Variants in GRID2 observed in about 807,000 individuals in gnomAD.
The protein encoded by GRID2 is glutamate receptor ionotropic, delta-2.
Under a neutral mutation model 114.8 loss-of-function variants are expected in GRID2, and 33 were observed. The observed-to-expected ratio is 0.29, with a 90% CI of 0.22 to 0.38. The LOEUF (loss-of-function observed/expected upper bound fraction) is 0.38, where lower values mean the gene tolerates loss of function less well. GRID2 is among the 10% of genes least tolerant of loss of function. The pLI is 1.00. For missense variants in GRID2, 1,184 were observed against 1,257.7 expected (o/e 0.94, Z 0.89); for synonymous variants, 505 against 449.9 (o/e 1.12, Z -1.55).
chr4:92,561,819 G>A (rs1433811393), intron 1 of GRID2, among the ~76,000 whole-genome samples: 3 of 152,112 alleles, frequency 2.0e-5, no homozygotes, highest in African/African-American at 7.2e-5. Context: ...CTAATTTCAT[G>A]AGTATATTCA....
intron 2 of GRID2, among the ~76,000 whole-genome samples, chr4:92,776,002 C>A (rs1030757): frequency 0.54 from 82,250 of 151,842 alleles, 23,020 homozygotes; most frequent in Middle Eastern, 0.74. Flanking sequence ...AAAAAATTGA[C>A]CTCTGACACA....
At chr4:93,671,534 C>T (rs554534621) in intron 14 of GRID2, among the ~76,000 whole-genome samples, 103 of 152,284 alleles carry the variant, frequency 6.8e-4, no homozygotes, top group African/African-American at 2.4e-3. Flanking sequence ...CATTTAGCCC[C>T]TCTACAACTC....
chr4:92,599,968 C>T (rs1427023823), intron 2 of GRID2, among the ~76,000 whole-genome samples: 5 of 145,672 alleles, frequency 3.4e-5, no homozygotes, highest in Non-Finnish European at 4.5e-5. Context: ...GACATTGCAA[C>T]GAGGCGAGAT....
At chr4:93,571,606 G>A (rs1048102754) in intron 13 of GRID2, among the ~76,000 whole-genome samples, 1 of 152,058 alleles carries the variant, frequency 6.6e-6, no homozygotes, top group African/African-American at 2.4e-5. Context: ...TAGTCATTTA[G>A]ACTAATAAAG....
chr4:93,110,085 A>G (rs1378584929), intron 3 of GRID2, among the ~76,000 whole-genome samples: 2 of 152,154 alleles, frequency 1.3e-5, no homozygotes, highest in Admixed American at 6.6e-5. Context: ...ATATGTTTTG[A>G]AAAAATATGT....
intron 2 of GRID2, among the ~76,000 whole-genome samples, chr4:92,995,812 A>G (rs1384579885): frequency 6.6e-6 from 1 of 152,174 alleles, no homozygotes; most frequent in Non-Finnish European, 1.5e-5. Context: ...ATGCTACAAT[A>G]TGTTAAAGTA....
intron 14 of GRID2, among the ~76,000 whole-genome samples, chr4:93,646,285 CA>C (rs36020327): frequency 0.14 from 20,985 of 151,948 alleles, 1,786 homozygotes; most frequent in Non-Finnish European, 0.19. Context: ...GAAGACTATC[CA>C]AAGGAGGGAA....
intron 2 of GRID2, among the ~76,000 whole-genome samples, chr4:92,721,361 A>G (rs1388237434): frequency 6.6e-6 from 1 of 152,152 alleles, no homozygotes; most frequent in African/African-American, 2.4e-5. Context: ...TGTGATTAGT[A>G]CATGAATCCA....
At chr4:92,914,244 A>G (rs1748615595) in intron 2 of GRID2, among the ~76,000 whole-genome samples, 1 of 152,166 alleles carries the variant, frequency 6.6e-6, no homozygotes, top group Admixed American at 6.6e-5. Context: ...TAGATTGTGC[A>G]TGGACATTTT....
intron 8 of GRID2, among the ~76,000 whole-genome samples, chr4:93,286,831 T>G (rs1378169823): frequency 6.6e-6 from 1 of 152,112 alleles, no homozygotes; most frequent in African/African-American, 2.4e-5. Context: ...GAAAAAATTA[T>G]TTTCCAAATT....
At chr4:93,152,476 T>C (rs1736821798) in intron 4 of GRID2, among the ~76,000 whole-genome samples, 1 of 152,088 alleles carries the variant, frequency 6.6e-6, no homozygotes, top group Non-Finnish European at 1.5e-5. Context: ...GAGATATAAT[T>C]TTACTAGAAA....
At chr4:92,715,711 A>G (rs1246197187) in intron 2 of GRID2, among the ~76,000 whole-genome samples, 1 of 152,144 alleles carries the variant, frequency 6.6e-6, no homozygotes, top group Non-Finnish European at 1.5e-5. Context: ...TTTATTCACT[A>G]TCACAAGAAT....
chr4:93,027,342 A>G (rs1034975197), intron 2 of GRID2, among the ~76,000 whole-genome samples: 2 of 152,064 alleles, frequency 1.3e-5, no homozygotes, highest in Non-Finnish European at 2.9e-5. Flanking sequence ...AACATTCTCA[A>G]AGGAAGCATT....
In GRID2 at chr4:93,722,078, C is replaced by T. The variant is rs186938402; in HGVS notation, c.2361-47132C>T. Among the ~76,000 whole-genome samples, 415 of 151,730 alleles carry T rather than the reference C, an allele frequency of 2.7e-3. 6 individuals carry two copies. Among genetic ancestry groups the T allele is most frequent in the Admixed American group, 0.024 (367 of 15,234 alleles). On this transcript the variant is annotated intron_variant, in intron 14 of 15. Transcript: ENST00000282020. Reference sequence around the variant, plus strand: ...GGATTACAGGCATCCACCACCACGCCGGGCTAATATTTTGTATTTTTAGTA... The same window carrying T: ...GGATTACAGGCATCCACCACCACGCTGGGCTAATATTTTGTATTTTTAGTA...
At chr4:93,108,039 A>G (rs778335703) in intron 3 of GRID2, among the ~76,000 whole-genome samples, 1 of 152,090 alleles carries the variant, frequency 6.6e-6, no homozygotes, top group Non-Finnish European at 1.5e-5. Flanking sequence ...TCTCCTATAG[A>G]TTTTTGATCC....
chr4:92,313,423 AACTT>A (rs1439645782), intron 1 of GRID2, among the ~76,000 whole-genome samples: 3 of 152,042 alleles, frequency 2.0e-5, no homozygotes, highest in East Asian at 1.9e-4. Flanking sequence ...CCCCTAAAGA[AACTT>A]ACTTATGTAA....
At chr4:93,279,636 C>T (rs1337475141) in intron 8 of GRID2, among the ~76,000 whole-genome samples, 2 of 151,838 alleles carry the variant, frequency 1.3e-5, no homozygotes, top group African/African-American at 2.4e-5. Context: ...GATATTTCGA[C>T]TCCTAAGATA....
At chr4:93,576,560 A>G (rs1311738714) in intron 13 of GRID2, among the ~76,000 whole-genome samples, 2 of 152,180 alleles carry the variant, frequency 1.3e-5, no homozygotes, top group African/African-American at 4.8e-5. Flanking sequence ...GATAAGTATC[A>G]CTTTGCTTTT....
intron 12 of GRID2, among the ~76,000 whole-genome samples, chr4:93,509,808 C>T (rs1435150477): frequency 6.6e-6 from 1 of 152,160 alleles, no homozygotes; most frequent in Non-Finnish European, 1.5e-5. Context: ...AATTCTCACC[C>T]TCACGGCATA....
Sources: allele counts gnomAD v4.1 joint callset (sites outside exome capture counted in the v4.1 genomes callset), GRCh38; gene constraint gnomAD v4.1.1; transcripts MANE v1.5; gene names NCBI Gene and HGNC (gene_info 2026-07-23, HGNC 2026-07-21).